DDX10: variants seen among roughly 807,000 people sequenced by gnomAD.
DDX10 encodes the protein DEAD-box helicase 10.
In DDX10, 74 loss-of-function variants were observed where a neutral mutation model predicts 104.3. That is an observed-to-expected ratio of 0.71 (90% CI 0.59 to 0.86). The LOEUF is 0.86. Among genes scored for constraint, DDX10 ranks in the 40% least tolerant of loss-of-function variants. DDX10 has a pLI of 0.00. For synonymous variants in DDX10, 351 were observed against 353.4 expected, an observed-to-expected ratio of 0.99 and a Z score of 0.08; for missense variants, 952 against 1,040.0, an observed-to-expected ratio of 0.92 and a Z score of 1.16.
intron 16 of DDX10, among the ~76,000 whole-genome samples, chr11:108,911,618 C>T (rs1015770325): frequency 8.8e-5 from 11 of 124,616 alleles, no homozygotes; most frequent in African/African-American, 1.2e-4. Context: ...CACCCACTGG[C>T]GTGCAGTGGC....
intron 13 of DDX10, among the ~76,000 whole-genome samples, chr11:108,802,426 G>A (rs1862034774): frequency 6.6e-6 from 1 of 152,048 alleles, no homozygotes; most frequent in Non-Finnish European, 1.5e-5. Context: ...ATTTTTCTTT[G>A]AAGCAATCAT....
intron 15 of DDX10, among the ~76,000 whole-genome samples, chr11:108,841,898 T>C (rs1747160728): frequency 6.6e-6 from 1 of 152,212 alleles, no homozygotes; most frequent in Admixed American, 6.5e-5. Context: ...CATTATTCTA[T>C]GGAGACAGAG....
chr11:108,698,034 A>G (rs2094262342), intron 9 of DDX10, among the ~76,000 whole-genome samples: 1 of 152,192 alleles, frequency 6.6e-6, no homozygotes, highest in African/African-American at 2.4e-5. Flanking sequence ...TCTGTAACAT[A>G]AGGAGCAGAA....
In DDX10 at chr11:108,753,502, A is replaced by G. The variant is rs185602423; in HGVS notation, c.1965+30040A>G. Reference sequence around the variant, plus strand: ...GAAACAAAAAATTTTGATAAGCATTAAAGATACTCTCAAATGGCCGTTCTC... The same window carrying G: ...GAAACAAAAAATTTTGATAAGCATTGAAGATACTCTCAAATGGCCGTTCTC... On this transcript the variant is annotated intron_variant, in intron 13 of 17. Transcript: ENST00000322536. 2.6e-5 allele frequency among the ~76,000 whole-genome samples: 4 copies of G among 152,176 alleles called. No individual in the cohort carries two copies. In the East Asian group the frequency reaches 7.7e-4, roughly 29 times the overall value.
intron 17 of DDX10, among the ~76,000 whole-genome samples, chr11:108,938,549 T>A (rs773145119): frequency 6.6e-6 from 1 of 152,220 alleles, no homozygotes; most frequent in Non-Finnish European, 1.5e-5. Context: ...GGACTGGCCA[T>A]ACTCATAAAA....
At chr11:108,868,908 C>T (rs1863042753) in intron 16 of DDX10, among the ~76,000 whole-genome samples, 1 of 149,774 alleles carries the variant, frequency 6.7e-6, no homozygotes, top group African/African-American at 2.5e-5. Context: ...TGAGTTTATA[C>T]AGATGAAAAA....
intron 1 of DDX10, among the ~76,000 whole-genome samples, chr11:108,667,639 G>A (rs190683588): frequency 2.0e-5 from 3 of 152,300 alleles, no homozygotes; most frequent in Admixed American, 2.0e-4. Context: ...AGTGGTACAT[G>A]ATAGGCATAT....
chr11:108,748,993 G>C (rs961603845), intron 13 of DDX10, among the ~76,000 whole-genome samples: 1 of 151,856 alleles, frequency 6.6e-6, no homozygotes. Flanking sequence ...TGGGGCAGTA[G>C]AATACAGAGT....
chr11:108,782,591 T>C (rs1335613971), intron 13 of DDX10, among the ~76,000 whole-genome samples: 1 of 152,200 alleles, frequency 6.6e-6, no homozygotes, highest in Non-Finnish European at 1.5e-5. Context: ...GCTTGGCATA[T>C]CCTGTGGAGA....
chr11:108,902,042 T>C (rs1863523376), intron 16 of DDX10, among the ~76,000 whole-genome samples: 1 of 152,166 alleles, frequency 6.6e-6, no homozygotes, highest in East Asian at 1.9e-4. Flanking sequence ...TACTCAGACA[T>C]AAAATCAGAT....
At position 108,665,092 on chromosome 11, in the gene DDX10, T is replaced by C. The variant is rs941698934; in HGVS notation, c.-62T>C. 2.5e-4 allele frequency: 377 copies of C among 1,488,678 alleles called. No individual in the cohort carries two copies. Among genetic ancestry groups the C allele is most frequent in the Non-Finnish European group, 3.2e-4 (365 of 1,123,300 alleles). The allele number at this position is 1,488,678 out of a possible 1,614,324, so 92.2% of individuals were successfully genotyped here. A position where few individuals can be genotyped will look rare whatever the true frequency, so the allele number is the denominator to read the frequency against. ...GTGCGTTTGTCCCATGCTGGTTCCGTGAGTCTGGCCTTAGGTGTCTCGTGT... is the reference window on the plus strand; with the variant it reads ...GTGCGTTTGTCCCATGCTGGTTCCGCGAGTCTGGCCTTAGGTGTCTCGTGT... On this transcript the variant is annotated 5_prime_UTR_variant, in exon 1 of 18. An upstream open reading frame in the 5' UTR loses its in-frame stop. Transcript: ENST00000322536.
chr11:108,694,356 C>G (rs2094256811), intron 9 of DDX10, among the ~76,000 whole-genome samples: 1 of 152,068 alleles, frequency 6.6e-6, no homozygotes, highest in Non-Finnish European at 1.5e-5. Context: ...GGATTTGAAC[C>G]CAGGCAGTCT....
In DDX10 at chr11:108,925,417, G is replaced by T. The variant is rs1591128408; in HGVS notation, c.2450+7399G>T. 2.0e-5 allele frequency among the ~76,000 whole-genome samples: 3 copies of T among 152,294 alleles called. No homozygotes were observed. The East Asian group carries it at 5.8e-4, about 29-fold the overall frequency. On this transcript the variant is annotated intron_variant, in intron 17 of 17. Transcript: ENST00000322536. The stretch of plus-strand genomic sequence containing the variant: ...AGAAGCGCCAGGATCTCTAAGAAGG[G>T]TGAATAGCTCAGGATGCTATGAGGC...
chr11:108,905,465 A>G (rs532494077), intron 16 of DDX10, among the ~76,000 whole-genome samples: 6 of 151,874 alleles, frequency 4.0e-5, no homozygotes, highest in South Asian at 2.1e-4. Flanking sequence ...TTTTTTTTCA[A>G]TTTACATACA....
chr11:108,794,818 T>TC (rs1555026157), intron 13 of DDX10, among the ~76,000 whole-genome samples: 1 of 151,830 alleles, frequency 6.6e-6, no homozygotes, highest in East Asian at 1.9e-4. Context: ...CTATAGTTTT[T>TC]TCTCTCTCTC....
chr11:108,849,382 A>T (rs1431465346), intron 15 of DDX10, among the ~76,000 whole-genome samples: 1 of 152,124 alleles, frequency 6.6e-6, no homozygotes, highest in Non-Finnish European at 1.5e-5. Context: ...CCTCCCAAAA[A>T]TGAGTCTTAT....
chr11:108,745,577 A>C (rs1161684989), intron 13 of DDX10, among the ~76,000 whole-genome samples: 1 of 152,134 alleles, frequency 6.6e-6, no homozygotes, highest in Non-Finnish European at 1.5e-5. Flanking sequence ...ATCCAGTGTT[A>C]CTACTGTGAC....
At chr11:108,932,173 A>C (rs1264653814) in intron 17 of DDX10, among the ~76,000 whole-genome samples, 1 of 151,994 alleles carries the variant, frequency 6.6e-6, no homozygotes, top group Non-Finnish European at 1.5e-5. Flanking sequence ...GTGAGGCTGA[A>C]TCATCATTAA....
chr11:108,924,496 T>C (rs1004046390), intron 17 of DDX10, among the ~76,000 whole-genome samples: 6 of 152,336 alleles, frequency 3.9e-5, no homozygotes, highest in African/African-American at 1.4e-4. Flanking sequence ...TTTACACATC[T>C]CTGAATCAAA....
Sources: gnomAD v4.1 joint callset for allele counts (sites outside exome capture counted in the v4.1 genomes callset) on GRCh38, gnomAD v4.1.1 for gene constraint, MANE v1.5 for transcripts, NCBI Gene and HGNC (gene_info 2026-07-23, HGNC 2026-07-21) for gene names.